The following DSCAM variants were observed in gnomAD, a reference collection of about 807,000 sequenced individuals.
The protein encoded by DSCAM is DS cell adhesion molecule, also known as cell adhesion molecule DSCAM.
Under a neutral mutation model 217.7 loss-of-function variants are expected in DSCAM, and 47 were observed. That is an observed-to-expected ratio of 0.22 (90% CI 0.17 to 0.28). The LOEUF is 0.28. Ranked by LOEUF, DSCAM falls within the 10% of genes least tolerant of loss-of-function variation. The probability of loss-of-function intolerance (pLI) is 1.00; values close to 1 mark genes in which losing one functional copy is unlikely to be tolerated. For synonymous variants in DSCAM, 1,056 were observed against 1,015.3 expected (o/e 1.04, Z -0.76); for missense variants, 2,080 against 2,618.3 (o/e 0.79, Z 4.49).
chr21:40,347,920 G>C lies in DSCAM; in HGVS notation c.960C>G (p.Pro320=). The C allele has an allele frequency of 6.2e-7, 1 of 1,613,236 alleles. No individual in the cohort carries two copies. The highest frequency in any genetic ancestry group is 8.5e-7 in the Non-Finnish European group (1 of 1,179,380). Residue 320 remains proline, a synonymous_variant, in exon 6 of 33, where the codon CCC becomes CCG. Transcript: ENST00000400454. ...VKQPLKATIS[P]RKVKSSVGSQ... ...TACCCACGCTGCTTTTAACCTTCCT[G>C]GGACTGATGGTGGCTTTCAGTGGCT...
chr21:40,039,030 G>T (rs1389411446), intron 32 of DSCAM, among the ~76,000 whole-genome samples: 1 of 118,524 alleles, frequency 8.4e-6, no homozygotes, highest in Non-Finnish European at 1.7e-5. Flanking sequence ...GGTGGGGGGA[G>T]GGGGGAGGGA....
intron 1 of DSCAM, among the ~76,000 whole-genome samples, chr21:40,743,918 T>C: frequency 6.6e-6 from 1 of 152,174 alleles, no homozygotes; most frequent in East Asian, 1.9e-4. Flanking sequence ...CCTGACATTA[T>C]TTCCTCCACA....
chr21:40,117,880 A>T (rs1211093377), intron 20 of DSCAM, among the ~76,000 whole-genome samples: 1 of 152,058 alleles, frequency 6.6e-6, no homozygotes, highest in Non-Finnish European at 1.5e-5. Flanking sequence ...ATTTAAGTTG[A>T]GCTTTAAACA....
At chr21:40,276,057 T>TA in intron 11 of DSCAM, 40 bp downstream of exon 11, 2 of 1,504,422 alleles carry the variant, frequency 1.3e-6, no homozygotes, top group Non-Finnish European at 1.8e-6. Context: ...GAGACCTATG[T>TA]ATTTAAACTA....
rs2088074798 is a variant in DSCAM, at chr21:40,012,496, G to A, written c.*538C>T. On this transcript the variant is annotated 3_prime_UTR_variant, in exon 33 of 33. Transcript: ENST00000400454. ...ATTAAATTAAAAAAGAAACAAGAGAGAAAACCAAATTGATTCCCCCCACCC... is the reference window on the plus strand; with the variant it reads ...ATTAAATTAAAAAAGAAACAAGAGAAAAAACCAAATTGATTCCCCCCACCC... 1 of 152,192 alleles carries A rather than the reference G, an allele frequency of 6.6e-6. No homozygotes were observed. The highest frequency in any genetic ancestry group is 2.1e-4 in the South Asian group (1 of 4,828). 9.4% of individuals were successfully genotyped at this position (152,192 alleles called of 1,614,324 possible). A position where few individuals can be genotyped will look rare whatever the true frequency, so the allele number is the denominator to read the frequency against.
chr21:40,445,298 C>A (rs182315029), intron 3 of DSCAM, among the ~76,000 whole-genome samples: 1 of 152,164 alleles, frequency 6.6e-6, no homozygotes, highest in South Asian at 2.1e-4. Context: ...GCTTTAATTG[C>A]GTGCTGGCCT....
chr21:40,826,228 A>G (rs9975158), intron 1 of DSCAM, among the ~76,000 whole-genome samples: 60,822 of 152,104 alleles, frequency 0.4, 12,961 homozygotes, highest in African/African-American at 0.56. Context: ...CAGAGAACTG[A>G]AAGAAGTGAA....
chr21:40,762,415 G>T (rs1220415042), intron 1 of DSCAM, among the ~76,000 whole-genome samples: 5 of 152,120 alleles, frequency 3.3e-5, no homozygotes, highest in African/African-American at 9.7e-5. Flanking sequence ...AAACAAGGAA[G>T]AAGATGAATC....
intron 1 of DSCAM, among the ~76,000 whole-genome samples, chr21:40,828,997 C>A (rs1056803307): frequency 6.6e-6 from 1 of 152,196 alleles, no homozygotes; most frequent in Non-Finnish European, 1.5e-5. Flanking sequence ...GCAGCCCCTG[C>A]TAGTTCACTC....
chr21:40,204,022 T>G (rs1471171661), intron 11 of DSCAM, among the ~76,000 whole-genome samples: 1 of 152,246 alleles, frequency 6.6e-6, no homozygotes, highest in East Asian at 1.9e-4. Flanking sequence ...ACGTAGAATA[T>G]TAACAACATA....
At chr21:40,453,093 A>AGT (rs1373166742) in intron 3 of DSCAM, among the ~76,000 whole-genome samples, 3 of 126,874 alleles carry the variant, frequency 2.4e-5, no homozygotes, top group Non-Finnish European at 3.4e-5. Context: ...TGTGTGTGTG[A>AGT]GATATATGTG....
chr21:40,763,465 A>G (rs1036498835), intron 1 of DSCAM, among the ~76,000 whole-genome samples: 2 of 152,232 alleles, frequency 1.3e-5, no homozygotes, highest in Non-Finnish European at 2.9e-5. Flanking sequence ...AAATGGAAAA[A>G]CATTCCATGC....
intron 3 of DSCAM, among the ~76,000 whole-genome samples, chr21:40,650,670 C>T (rs1454168866): frequency 6.6e-6 from 1 of 152,208 alleles, no homozygotes; most frequent in Non-Finnish European, 1.5e-5. Context: ...AATCCCAGCA[C>T]TTTGGGAGGC....
At position 40,839,566 on chromosome 21, in the gene DSCAM, G is replaced by A. The variant is rs1157540423; in HGVS notation, c.43+7053C>T. On this transcript the variant is annotated intron_variant, in intron 1 of 32. Transcript: ENST00000400454. The stretch of plus-strand genomic sequence containing the variant: ...CAAGCCTAACATAGACTTAAAGACT[G>A]AGAGCACTTCTAGAATATTCTGCAG... Among the ~76,000 whole-genome samples the A allele has an allele frequency of 1.2e-4, 19 of 152,156 alleles. No homozygotes were observed. The East Asian group carries it at 3.7e-3, about 29-fold the overall frequency.
At position 40,528,898 on chromosome 21, in the gene DSCAM, CTTT is replaced by C. The variant is rs911356584; in HGVS notation, c.509-159656_509-159654del. On this transcript the variant is annotated intron_variant, in intron 3 of 32. Transcript: ENST00000400454. ...TCTTTGGCAATGTCCAGGCTTTCCACTTTTTTTTTTTTTTTTTTTTTTTGAGAT... is the reference window on the plus strand; with the variant it reads ...TCTTTGGCAATGTCCAGGCTTTCCACTTTTTTTTTTTTTTTTTTTTGAGAT... 7.7e-4 allele frequency among the ~76,000 whole-genome samples: 77 copies of C among 99,380 alleles called. No individual in the cohort carries two copies. The South Asian group carries it at 0.016, about 21-fold the overall frequency. The allele number at this position is 99,380 out of a possible 152,430, so 65.2% of individuals were successfully genotyped here. A position where few individuals can be genotyped will look rare whatever the true frequency, so the allele number is the denominator to read the frequency against.
chr21:40,791,970 C>G (rs1453250053), intron 1 of DSCAM, among the ~76,000 whole-genome samples: 1 of 151,956 alleles, frequency 6.6e-6, no homozygotes, highest in Non-Finnish European at 1.5e-5. Flanking sequence ...GACTCTGGAT[C>G]TTAGCAACAG....
intron 3 of DSCAM, among the ~76,000 whole-genome samples, chr21:40,501,140 T>C (rs2076167302): frequency 6.6e-6 from 1 of 152,204 alleles, no homozygotes; most frequent in African/African-American, 2.4e-5. Flanking sequence ...AAATGTTAGT[T>C]ACATAATGCA....
At chr21:40,821,166 T>G (rs1271936083) in intron 1 of DSCAM, among the ~76,000 whole-genome samples, 1 of 90,294 alleles carries the variant, frequency 1.1e-5, no homozygotes, top group East Asian at 2.6e-4. Flanking sequence ...TCTAATTTCT[T>G]GAATCATCTT....
chr21:40,642,887 G>A (rs2089900353), intron 3 of DSCAM, among the ~76,000 whole-genome samples: 1 of 152,150 alleles, frequency 6.6e-6, no homozygotes, highest in Non-Finnish European at 1.5e-5. Context: ...TGTGTGATGA[G>A]AATGAGAATC....
Sources: allele counts gnomAD v4.1 joint callset (sites outside exome capture counted in the v4.1 genomes callset), GRCh38; gene constraint gnomAD v4.1.1; transcripts MANE v1.5; gene names NCBI Gene and HGNC (gene_info 2026-07-23, HGNC 2026-07-21).